Variants in RNF214 observed in about 807,000 individuals in gnomAD.
The protein encoded by RNF214 is ring finger protein 214.
In RNF214, 25 loss-of-function variants were observed where a neutral mutation model predicts 75.9. The observed-to-expected ratio is 0.33, with a 90% CI of 0.24 to 0.46. The LOEUF (loss-of-function observed/expected upper bound fraction) is 0.46, where lower values mean the gene tolerates loss of function less well. Among genes scored for constraint, RNF214 ranks in the 20% least tolerant of loss-of-function variants. RNF214 has a pLI of 1.00. For synonymous variants in RNF214, 314 were observed against 308.8 expected, an observed-to-expected ratio of 1.02 and a Z score of -0.18; for missense variants, 725 against 857.5, an observed-to-expected ratio of 0.85 and a Z score of 1.93.
chr11:117,274,675 C>CTTT lies in RNF214; in HGVS notation c.960-5219_960-5217dup, dbSNP rs397937528. Among the ~76,000 whole-genome samples, 15 of 128,748 alleles carry CTTT rather than the reference C, an allele frequency of 1.2e-4. 1 individual carries two copies. Among genetic ancestry groups the CTTT allele is most frequent in the African/African-American group, 2.3e-4 (8 of 34,650 alleles). The allele number at this position is 128,748 out of a possible 152,430, so 84.5% of individuals were successfully genotyped here. The stretch of plus-strand genomic sequence containing the variant: ...TGAGCGACCGTGCCCAGCCATGGCT[C>CTTT]TTTTTTTTTTTTTTTTGAGACAGAG... On this transcript the variant is annotated intron_variant, in intron 6 of 14. Coordinates refer to ENST00000300650, the MANE Select transcript of RNF214 (RefSeq NM_207343.4).
chr11:117,281,128 C>T (rs957826980), intron 8 of RNF214, among the ~76,000 whole-genome samples, 186 bp from the exon 9 acceptor site: 6 of 151,844 alleles, frequency 4.0e-5, no homozygotes, highest in African/African-American at 1.5e-4. Flanking sequence ...GCGTGAGCCA[C>T]CACACCTGGC....
intron 6 of RNF214, among the ~76,000 whole-genome samples, chr11:117,279,436 A>G (rs990289003): frequency 4.6e-5 from 7 of 151,048 alleles, no homozygotes; most frequent in Non-Finnish European, 7.4e-5. Context: ...GGTTCAAGCA[A>G]TTATCTTGCC....
chr11:117,246,273 T>G (rs564934580), intron 5 of RNF214, among the ~76,000 whole-genome samples: 2 of 151,320 alleles, frequency 1.3e-5, no homozygotes, highest in African/African-American at 4.8e-5. Context: ...CTGTTTGACT[T>G]CTTATTTAAA....
chr11:117,252,029 C>T (rs943017699), intron 6 of RNF214, among the ~76,000 whole-genome samples: 10 of 152,036 alleles, frequency 6.6e-5, no homozygotes, highest in South Asian at 2.1e-4. Context: ...CCACCACGCC[C>T]GACTAATTTT....
At chr11:117,249,012 T>G (rs917023436) in intron 6 of RNF214, among the ~76,000 whole-genome samples, 1 of 151,954 alleles carries the variant, frequency 6.6e-6, no homozygotes, top group African/African-American at 2.4e-5. Flanking sequence ...AAGCTCCACC[T>G]CCCGGGTTCA....
intron 6 of RNF214, among the ~76,000 whole-genome samples, chr11:117,278,258 C>G (rs2034055953): frequency 6.6e-6 from 1 of 152,146 alleles, no homozygotes; most frequent in African/African-American, 2.4e-5. Flanking sequence ...GAGCCAAGAT[C>G]ACGCCATTGC....
chr11:117,238,248 T>TA (rs914474756), intron 2 of RNF214, among the ~76,000 whole-genome samples: 1 of 151,952 alleles, frequency 6.6e-6, no homozygotes, highest in Non-Finnish European at 1.5e-5. Context: ...GTGCAAAAAA[T>TA]ACAAAAAATT....
At chr11:117,281,529 TAATG>T (rs1213655713) in intron 9 of RNF214, 67 bp from the exon 10 acceptor site, 1 of 1,421,512 alleles carries the variant, frequency 7.0e-7, no homozygotes, top group Non-Finnish European at 9.9e-7. Flanking sequence ...GTTTTCCTGA[TAATG>T]GATGGTGCTG....
At chr11:117,248,746 CA>C (rs2033295925) in intron 6 of RNF214, among the ~76,000 whole-genome samples, 2 of 152,118 alleles carry the variant, frequency 1.3e-5, no homozygotes, top group Admixed American at 1.3e-4. Flanking sequence ...TGTTAGTGAT[CA>C]AAGCAGTTGC....
chr11:117,279,068 G>T (rs2034073441), intron 6 of RNF214, among the ~76,000 whole-genome samples: 2 of 152,170 alleles, frequency 1.3e-5, no homozygotes, highest in South Asian at 2.1e-4. Context: ...CTGTACTCTG[G>T]TCTGGGCAAC....
chr11:117,246,277 A>G (rs527824383), intron 5 of RNF214, among the ~76,000 whole-genome samples: 1 of 149,518 alleles, frequency 6.7e-6, no homozygotes, highest in South Asian at 2.1e-4. Context: ...TTGACTTCTT[A>G]TTTAAAAAAA....
chr11:117,255,437 A>G (rs955863198), intron 6 of RNF214, among the ~76,000 whole-genome samples: 6 of 152,186 alleles, frequency 3.9e-5, no homozygotes, highest in Middle Eastern at 3.4e-3. Context: ...GCACTTTACT[A>G]TGTCTTGTAG....
intron 6 of RNF214, among the ~76,000 whole-genome samples, chr11:117,265,122 A>C (rs1024605511): frequency 3.3e-5 from 5 of 152,008 alleles, no homozygotes; most frequent in Non-Finnish European, 5.9e-5. Context: ...CTGCCTTTTA[A>C]TTAGAGCCTT....
At chr11:117,261,635 T>A (rs1428498867) in intron 6 of RNF214, among the ~76,000 whole-genome samples, 2 of 152,148 alleles carry the variant, frequency 1.3e-5, no homozygotes, top group African/African-American at 4.8e-5. Flanking sequence ...TGTATTACTT[T>A]ATTTTATTTA....
At chr11:117,249,045 C>T (rs1384188854) in intron 6 of RNF214, among the ~76,000 whole-genome samples, 1 of 151,994 alleles carries the variant, frequency 6.6e-6, no homozygotes, top group Non-Finnish European at 1.5e-5. Flanking sequence ...GCCTCAGTCA[C>T]CTGAGTATCT....
rs144585666 is a variant in RNF214 at position 117,253,315 on chromosome 11, A to G, written c.959+6367A>G. Among the ~76,000 whole-genome samples the G allele has an allele frequency of 5.9e-3, 894 of 152,344 alleles. 9 individuals are homozygous for G. The highest frequency in any genetic ancestry group is 0.02 in the African/African-American group (844 of 41,588). On this transcript the variant is annotated intron_variant, in intron 6 of 14. Coordinates refer to ENST00000300650, the MANE Select transcript of RNF214 (RefSeq NM_207343.4). The stretch of plus-strand genomic sequence containing the variant: ...GGTCTAATTATAATTTTTAAAGGAG[A>G]CAAACTGAATTTACCAAAGTGTAAA...
rs1565340533 is a variant in RNF214 at position 117,262,734 on chromosome 11, T to TG, written c.959+15786_959+15787insG. Among the ~76,000 whole-genome samples the TG allele has an allele frequency of 5.3e-5, 8 of 151,868 alleles. No homozygotes were observed. In the East Asian group the frequency reaches 5.8e-4, roughly 11 times the overall value. ...GTGTGTGTGTGTGTGTGTGTGTGTGTTTAATTTTTAAAATTTAGTTATATC... is the reference window on the plus strand; with the variant it reads ...GTGTGTGTGTGTGTGTGTGTGTGTGTGTTAATTTTTAAAATTTAGTTATATC... On this transcript the variant is annotated intron_variant, in intron 6 of 14. Transcript: ENST00000300650.
chr11:117,258,354 A>C (rs576129679), intron 6 of RNF214, among the ~76,000 whole-genome samples: 1 of 152,074 alleles, frequency 6.6e-6, no homozygotes, highest in Non-Finnish European at 1.5e-5. Flanking sequence ...GGCGTGAGCC[A>C]CCACGCCCAG....
chr11:117,281,574 G>A (rs1234477101), intron 9 of RNF214, 26 bp from the exon 10 acceptor site: 1 of 1,552,626 alleles, frequency 6.4e-7, no homozygotes, highest in Non-Finnish European at 8.9e-7. Flanking sequence ...CAGTTCAGCA[G>A]TAAAAATAAT....
Sources: allele counts gnomAD v4.1 joint callset (sites outside exome capture counted in the v4.1 genomes callset), GRCh38; gene constraint gnomAD v4.1.1; transcripts MANE v1.5; gene names NCBI Gene and HGNC (gene_info 2026-07-23, HGNC 2026-07-21).